The following INVS variants were observed in gnomAD, a reference collection of about 807,000 sequenced individuals.
INVS encodes the protein inversion of embryo turning homolog.
A neutral mutation model predicts 108.8 loss-of-function variants in INVS; 86 were observed. The ratio of observed to expected loss-of-function variants is 0.79; its 90% CI spans 0.66 to 0.95. INVS has a LOEUF of 0.95. INVS is among the 40% of genes least tolerant of loss of function. INVS has a pLI of 0.00. For missense variants in INVS, 1,169 were observed against 1,297.4 expected (o/e 0.90, Z 1.52); for synonymous variants, 455 against 473.5 (o/e 0.96, Z 0.51).
intron 2 of INVS, chr9:100,117,457 C>T (rs1466688362): frequency 6.4e-6 from 5 of 785,252 alleles, no homozygotes; most frequent in Non-Finnish European, 1.1e-5. Flanking sequence ...CGGGCATGCA[C>T]TCCTTATCCT....
chr9:100,138,943 C>G (rs1287929698), intron 3 of INVS, among the ~76,000 whole-genome samples: 1 of 151,984 alleles, frequency 6.6e-6, no homozygotes, highest in Non-Finnish European at 1.5e-5. Context: ...TGACCTCAAG[C>G]AATCCACCTG....
chr9:100,267,851 C>G (rs1832839226), intron 11 of INVS, among the ~76,000 whole-genome samples: 1 of 152,036 alleles, frequency 6.6e-6, no homozygotes, highest in Admixed American at 6.6e-5. Context: ...TTTGAATAAA[C>G]CAATTACAAA....
At chr9:100,288,855 G>A (rs2787373) in intron 13 of INVS, among the ~76,000 whole-genome samples, 45,424 of 151,950 alleles carry the variant, frequency 0.3, 7,952 homozygotes, top group Non-Finnish European at 0.41. Flanking sequence ...CAAACTCCTG[G>A]ACTCAAGCAA....
chr9:100,232,813 C>T (rs975976034), intron 5 of INVS, among the ~76,000 whole-genome samples: 14 of 152,074 alleles, frequency 9.2e-5, no homozygotes, highest in African/African-American at 2.4e-5. Context: ...CTTCTTTTTG[C>T]TTAGGATTGT....
intron 5 of INVS, among the ~76,000 whole-genome samples, chr9:100,233,713 A>T (rs1002896794): frequency 1.3e-5 from 2 of 152,182 alleles, no homozygotes; most frequent in African/African-American, 4.8e-5. Flanking sequence ...CATCCCAGGG[A>T]TGAAGCTGAC....
chr9:100,133,221 C>T (rs964980241), intron 3 of INVS, among the ~76,000 whole-genome samples: 1 of 152,136 alleles, frequency 6.6e-6, no homozygotes, highest in Non-Finnish European at 1.5e-5. Flanking sequence ...TTAAACAAAA[C>T]TATAGATTCA....
chr9:100,269,282 T>G (rs757488098), intron 11 of INVS, among the ~76,000 whole-genome samples: 5 of 152,212 alleles, frequency 3.3e-5, no homozygotes, highest in Non-Finnish European at 7.3e-5. Flanking sequence ...TCAATTTAGC[T>G]CTACTATTGC....
At chr9:100,187,855 C>G (rs182963029) in intron 3 of INVS, among the ~76,000 whole-genome samples, 1 of 152,228 alleles carries the variant, frequency 6.6e-6, no homozygotes, top group Admixed American at 6.5e-5. Context: ...TTTTATAGTT[C>G]ATCTTGTAGA....
intron 2 of INVS, among the ~76,000 whole-genome samples, chr9:100,121,463 A>G (rs1011536476): frequency 6.6e-6 from 1 of 152,204 alleles, no homozygotes; most frequent in African/African-American, 2.4e-5. Context: ...TTGAAGGAGT[A>G]TATCTTCCAA....
At chr9:100,297,888 AAACGTATCCCTGGCCAAAGAAAAGT>A (rs1564195830) in intron 15 of INVS, 23 bp from the exon 16 acceptor site, 3 of 1,606,014 alleles carry the variant, frequency 1.9e-6, no homozygotes, top group Admixed American at 3.3e-5. Context: ...TGGTCAGGCC[AAACGTATCCCTGGCCAAAGAAAAGT>A]AACAGTTGTT....
chr9:100,153,958 A>G (rs1407603022), intron 3 of INVS, among the ~76,000 whole-genome samples: 1 of 152,256 alleles, frequency 6.6e-6, no homozygotes, highest in Non-Finnish European at 1.5e-5. Context: ...TTGGAGGGAC[A>G]TTCAAACCAT....
chr9:100,182,809 A>G (rs1449430403), intron 3 of INVS, among the ~76,000 whole-genome samples: 3 of 152,178 alleles, frequency 2.0e-5, no homozygotes, highest in African/African-American at 7.2e-5. Context: ...AAATCATTCT[A>G]CGATAAAGAC....
At position 100,291,517 on chromosome 9, in the gene INVS, A is replaced by G. The variant is rs1209684230; in HGVS notation, c.2069-809A>G. Among the ~76,000 whole-genome samples the G allele has an allele frequency of 3.3e-5, 5 of 152,000 alleles. No homozygotes were observed. In the East Asian group the frequency reaches 5.8e-4, roughly 18 times the overall value. ...GTTGCTTATGGTACATTGTTTCCTC[A>G]TGCATTTTGTGATTTTGGATTGTGA... On this transcript the variant is annotated intron_variant, in intron 13 of 16. Coordinates refer to ENST00000262457, the MANE Select transcript of INVS (RefSeq NM_014425.5).
At position 100,249,378 on chromosome 9, in the gene INVS, T is replaced by C. The variant is rs550209111; in HGVS notation, c.1078+2591T>C. Among the ~76,000 whole-genome samples the C allele has an allele frequency of 6.0e-4, 91 of 152,284 alleles. 1 individual carries two copies. The highest frequency in any genetic ancestry group is 6.8e-3 in the Middle Eastern group (2 of 294). On this transcript the variant is annotated intron_variant, in intron 8 of 16. Coordinates refer to ENST00000262457, the MANE Select transcript of INVS (RefSeq NM_014425.5). Reference sequence around the variant, plus strand: ...GTGTGGCATCAAGTATGAAATATACTCTATAGATAATATCAATGTCAAATT... The same window carrying C: ...GTGTGGCATCAAGTATGAAATATACCCTATAGATAATATCAATGTCAAATT...
At chr9:100,124,674 A>G (rs1265438672) in intron 2 of INVS, among the ~76,000 whole-genome samples, 1 of 151,906 alleles carries the variant, frequency 6.6e-6, no homozygotes, top group Non-Finnish European at 1.5e-5. Flanking sequence ...TGGTTGTTGG[A>G]GCACTTTTTT....
At chr9:100,153,512 TG>T (rs991401907) in intron 3 of INVS, among the ~76,000 whole-genome samples, 2 of 152,186 alleles carry the variant, frequency 1.3e-5, no homozygotes, top group African/African-American at 4.8e-5. Flanking sequence ...TGTCTCAGAT[TG>T]GCAAAACTCC....
intron 3 of INVS, among the ~76,000 whole-genome samples, chr9:100,211,915 G>T (rs1830842537): frequency 1.3e-5 from 2 of 152,192 alleles, no homozygotes; most frequent in African/African-American, 4.8e-5. Flanking sequence ...AAGATGGCAG[G>T]TTAGTGATGT....
chr9:100,217,880 A>G (rs989426763), intron 3 of INVS, among the ~76,000 whole-genome samples: 1 of 152,168 alleles, frequency 6.6e-6, no homozygotes, highest in African/African-American at 2.4e-5. Flanking sequence ...TGCAACCACT[A>G]CAGAAAAGTT....
Position 100,298,773 on chromosome 9 carries a change from A to G in INVS, c.3091+763A>G, listed in dbSNP as rs1833864591. On this transcript the variant is annotated intron_variant, in intron 16 of 16. Coordinates refer to ENST00000262457, the MANE Select transcript of INVS (RefSeq NM_014425.5). ...CAGAGTAATTACTGCCAAATCTTTA[A>G]TAAGTGTTGGACAACTCATGTAATA... 5.3e-5 allele frequency among the ~76,000 whole-genome samples: 8 copies of G among 152,056 alleles called. No individual in the cohort carries two copies. In the South Asian group the frequency reaches 1.5e-3, roughly 28 times the overall value.
Sources: allele counts gnomAD v4.1 joint callset (sites outside exome capture counted in the v4.1 genomes callset), GRCh38; gene constraint gnomAD v4.1.1; transcripts MANE v1.5; gene names NCBI Gene and HGNC (gene_info 2026-07-23, HGNC 2026-07-21).